The following SCUBE3 variants were observed in gnomAD, a reference collection of about 807,000 sequenced individuals.
SCUBE3 encodes signal peptide, CUB and EGF-like domain-containing protein 3.
A neutral mutation model predicts 116.8 loss-of-function variants in SCUBE3; 33 were observed. The observed-to-expected ratio is 0.28, with a 90% CI of 0.21 to 0.38. The LOEUF (loss-of-function observed/expected upper bound fraction) is 0.38, where lower values mean the gene tolerates loss of function less well. Among genes scored for constraint, SCUBE3 ranks in the 10% least tolerant of loss-of-function variants. The probability of loss-of-function intolerance (pLI) is 1.00; values close to 1 mark genes in which losing one functional copy is unlikely to be tolerated. For missense variants in SCUBE3, 1,007 were observed against 1,324.8 expected (o/e 0.76, Z 3.72); for synonymous variants, 418 against 496.9 (o/e 0.84, Z 2.11).
rs746019631 is a variant in SCUBE3 at position 35,232,988 on chromosome 6, G to A, written c.595+13G>A. On this transcript the variant is annotated intron_variant, in intron 5 of 21. Transcript: ENST00000274938. This position sits in a 1 kb window ranked among gnomAD's most constrained non-coding sequence, Gnocchi z 4.2. ...CGGGACTGTAAATGTGAGATAATTG[G>A]GATGGCAGGTGGGGCAGTGGGGTCG... is the stretch of plus-strand genomic sequence containing the variant. The A allele has an allele frequency of 2.3e-5, 37 of 1,613,558 alleles. No homozygotes were observed. The East Asian group carries it at 7.4e-4, about 32-fold the overall frequency.
Position 35,244,946 on chromosome 6 carries a change from C to T in SCUBE3, c.2401+135C>T. 1 of 865,954 alleles carries T rather than the reference C, an allele frequency of 1.2e-6. No individual in the cohort carries two copies. The highest frequency in any genetic ancestry group is 2.3e-5 in the Admixed American group (1 of 42,862). 53.6% of individuals were successfully genotyped at this position (865,954 alleles called of 1,614,324 possible). A position where few individuals can be genotyped will look rare whatever the true frequency, so the allele number is the denominator to read the frequency against. On this transcript the variant is annotated intron_variant, in intron 18 of 21. Coordinates refer to ENST00000274938, the MANE Select transcript of SCUBE3 (RefSeq NM_152753.4). The surrounding 1 kb of genome is among the most constrained non-coding windows in gnomAD (Gnocchi z 4.3). Reference sequence around the variant, plus strand: ...CAGGAAAACTCCACCTTCCACCTCTCCCCAACTCACTCAATCTCAAGGCCA... The same window carrying T: ...CAGGAAAACTCCACCTTCCACCTCTTCCCAACTCACTCAATCTCAAGGCCA...
chr6:35,242,786 A>C lies in SCUBE3; in HGVS notation c.1693+6A>C. ...CAGAGCCGAAGAAACCACAGGTGGGACTGGGGGCACTGTTGGGAAGAGGAC... is the reference window on the plus strand; with the variant it reads ...CAGAGCCGAAGAAACCACAGGTGGGCCTGGGGGCACTGTTGGGAAGAGGAC... On this transcript the variant is annotated splice_donor_region_variant and intron_variant, in intron 14 of 21. Transcript: ENST00000274938. 6.2e-7 allele frequency: 1 copy of C among 1,612,254 alleles called. No homozygotes were observed. Among genetic ancestry groups the C allele is most frequent in the African/African-American group, 1.3e-5 (1 of 75,014 alleles).
chr6:35,242,271 C>T lies in SCUBE3; in HGVS notation c.1485C>T (p.His495=). ...FKIKDAKCRL[H]LRNKGKTEEA... ...TCAAGGATGCCAAATGCCGTTTGCA[C>T]CTGCGAAACAAAGGCAAAACAGAGG... The change falls in exon 13 of 22, where the codon CAC becomes CAT. Residue 495 remains histidine (H), a synonymous_variant. Transcript: ENST00000274938. The T allele has an allele frequency of 6.8e-6, 11 of 1,614,118 alleles. No homozygotes were observed. The highest frequency in any genetic ancestry group is 5.5e-5 in the South Asian group (5 of 91,086).
rs1784035787 is a variant in SCUBE3 at position 35,241,347 on chromosome 6, C to G, written c.1195+81C>G. ...GGGTTCTGGAAAGCATAGAGTATCA[C>G]ATTGGGGAAAGGTGTGAGGTGGAAA... On this transcript the variant is annotated intron_variant, in intron 10 of 21. Coordinates refer to ENST00000274938, the MANE Select transcript of SCUBE3 (RefSeq NM_152753.4). This position sits in a 1 kb window ranked among gnomAD's most constrained non-coding sequence, Gnocchi z 4.1. 1.4e-6 allele frequency: 2 copies of G among 1,461,694 alleles called. No individual in the cohort carries two copies. The highest frequency in any genetic ancestry group is 3.7e-5 in the Admixed American group (2 of 54,498). The allele number at this position is 1,461,694 out of a possible 1,614,324, so 90.5% of individuals were successfully genotyped here. A position where few individuals can be genotyped will look rare whatever the true frequency, so the allele number is the denominator to read the frequency against.
At chr6:35,246,331 G>A in intron 21 of SCUBE3, 46 bp downstream of exon 21, 2 of 1,371,408 alleles carry the variant, frequency 1.5e-6, no homozygotes, top group Non-Finnish European at 2.1e-6. Flanking sequence ...TAATAAGCAT[G>A]TAACAATATA....
At chr6:35,223,371 C>T (rs970927860) in intron 1 of SCUBE3, 2 of 152,098 alleles carry the variant, frequency 1.3e-5, no homozygotes, top group Non-Finnish European at 2.9e-5. Context: ...AGAGGCTGGC[C>T]CAGGACCACA....
Position 35,240,618 on chromosome 6 carries a change from G to A in SCUBE3, c.1069+128G>A, listed in dbSNP as rs1436801181. The A allele has an allele frequency of 3.7e-6, 2 of 538,592 alleles. No homozygotes were observed. The highest frequency in any genetic ancestry group is 3.3e-6 in the Non-Finnish European group (1 of 300,570). The allele number at this position is 538,592 out of a possible 1,614,324, so 33.4% of individuals were successfully genotyped here. A position where few individuals can be genotyped will look rare whatever the true frequency, so the allele number is the denominator to read the frequency against. ...GGATGCATGCACCATGTCTGCATCC[G>A]CTGTGACAAAATAGGAGGAATTAAG... On this transcript the variant is annotated intron_variant, in intron 9 of 21. Transcript: ENST00000274938. The surrounding 1 kb of genome is among the most constrained non-coding windows in gnomAD (Gnocchi z 4.6).
In SCUBE3 at chr6:35,231,463, A is replaced by T. The variant is rs1381164777; in HGVS notation, c.335-262A>T. Among the ~76,000 whole-genome samples the T allele has an allele frequency of 6.6e-6, 1 of 152,178 alleles. No homozygotes were observed. The highest frequency in any genetic ancestry group is 2.1e-4 in the South Asian group (1 of 4,824). ...TACCCAGTTTACACAGGTGAGGGAA[A>T]GGGAGGCATGGCTTCACCTAGGTGA... On this transcript the variant is annotated intron_variant, in intron 3 of 21. Transcript: ENST00000274938. This position sits in a 1 kb window ranked among gnomAD's most constrained non-coding sequence, Gnocchi z 4.2.
chr6:35,243,344 C>A lies in SCUBE3; in HGVS notation c.1909+108C>A. On this transcript the variant is annotated intron_variant, in intron 15 of 21. Coordinates refer to ENST00000274938, the MANE Select transcript of SCUBE3 (RefSeq NM_152753.4). This position sits in a 1 kb window ranked among gnomAD's most constrained non-coding sequence, Gnocchi z 6.6. ...ATGCATTTCTCAAATTATGAGGCAG[C>A]CAGGATGCTCCTGCCCGCTGTCCTC... The A allele has an allele frequency of 1.0e-6, 1 of 996,066 alleles. No homozygotes were observed. The highest frequency in any genetic ancestry group is 1.5e-6 in the Non-Finnish European group (1 of 662,198). The allele number at this position is 996,066 out of a possible 1,614,324, so 61.7% of individuals were successfully genotyped here. A position where few individuals can be genotyped will look rare whatever the true frequency, so the allele number is the denominator to read the frequency against.
chr6:35,247,307 G>A (rs1024727409), intron 21 of SCUBE3, among the ~76,000 whole-genome samples: 4 of 150,212 alleles, frequency 2.7e-5, no homozygotes, highest in Admixed American at 1.3e-4. Context: ...GTGTGGTGGC[G>A]GGCGCCTGCA....
intron 6 of SCUBE3, among the ~76,000 whole-genome samples, chr6:35,234,210 C>T (rs997734494): frequency 6.6e-6 from 1 of 152,150 alleles, no homozygotes; most frequent in African/African-American, 2.4e-5. Context: ...GAGGCTGTGT[C>T]TTTAGCCAGG....
At chr6:35,227,492 G>C in intron 1 of SCUBE3, 88 bp from the exon 2 acceptor site, 1 of 1,413,304 alleles carries the variant, frequency 7.1e-7, no homozygotes, top group South Asian at 1.2e-5. Flanking sequence ...TTAGAGAAGA[G>C]GGGATTCTGC....
At position 35,246,294 on chromosome 6, in the gene SCUBE3, A is replaced by G. The variant is rs997337307; in HGVS notation, c.2832+9A>G. 3 of 1,575,168 alleles carry G rather than the reference A, an allele frequency of 1.9e-6. No homozygotes were observed. Among genetic ancestry groups the G allele is most frequent in the African/African-American group, 2.7e-5 (2 of 74,288 alleles). On this transcript the variant is annotated intron_variant, in intron 21 of 21. Coordinates refer to ENST00000274938, the MANE Select transcript of SCUBE3 (RefSeq NM_152753.4). ...ACCAGGAGATTTTAAAGGTGAATGA[A>G]TATTAACAATAATGATAGCTAACAT...
rs1370474466 is a variant in SCUBE3, at chr6:35,214,403, G to A, written c.-16G>A. ...CGAGACCGGCCCCGGCGGCTGGGCC[G>A]CCAGTAGCTCCAGCCATGGGCTCGG... On this transcript the variant is annotated 5_prime_UTR_variant, in exon 1 of 22. Coordinates refer to ENST00000274938, the MANE Select transcript of SCUBE3 (RefSeq NM_152753.4). The surrounding 1 kb of genome is among the most constrained non-coding windows in gnomAD (Gnocchi z 6.3). The A allele has an allele frequency of 2.8e-6, 4 of 1,423,278 alleles. No individual in the cohort carries two copies. Among genetic ancestry groups the A allele is most frequent in the Admixed American group, 2.6e-5 (1 of 38,086 alleles). The allele number at this position is 1,423,278 out of a possible 1,614,324, so 88.2% of individuals were successfully genotyped here.
At position 35,245,376 on chromosome 6, in the gene SCUBE3, C is replaced by T; in HGVS notation, c.2550C>T (p.Phe850=). ...RKILIVVPEI[F]LPSEDECGDV... The stretch of plus-strand genomic sequence containing the variant: ...TCCTTATCGTGGTACCAGAGATCTT[C>T]CTGCCATCTGAGGATGAGTGTGGGG... Residue 850 remains phenylalanine (F), a synonymous_variant, in exon 19 of 22, where the codon TTC becomes TTT. Transcript: ENST00000274938. This position sits in a 1 kb window ranked among gnomAD's most constrained non-coding sequence, Gnocchi z 4.2. The T allele has an allele frequency of 6.2e-7, 1 of 1,614,156 alleles. No individual in the cohort carries two copies. Among genetic ancestry groups the T allele is most frequent in the Non-Finnish European group, 8.5e-7 (1 of 1,180,042 alleles).
In SCUBE3 at chr6:35,244,585, A is replaced by G; in HGVS notation, c.2240-65A>G. On this transcript the variant is annotated intron_variant, in intron 17 of 21. Transcript: ENST00000274938. This position sits in a 1 kb window ranked among gnomAD's most constrained non-coding sequence, Gnocchi z 4.3. ...TCTCCAGGATGAATGTATCCTGTCC[A>G]TCCCATGCCCCGTAACTCCCACCTG... 3 of 1,325,258 alleles carry G rather than the reference A, an allele frequency of 2.3e-6. No individual in the cohort carries two copies. Among genetic ancestry groups the G allele is most frequent in the Non-Finnish European group, 3.2e-6 (3 of 924,290 alleles). The allele number at this position is 1,325,258 out of a possible 1,614,324, so 82.1% of individuals were successfully genotyped here. A position where few individuals can be genotyped will look rare whatever the true frequency, so the allele number is the denominator to read the frequency against.
In SCUBE3 at chr6:35,232,380, T is replaced by C. The variant is rs1424009172; in HGVS notation, c.470-470T>C. ...GTGTAGTGAGAGTTTAATAAATGTT[T>C]GTTGAATAAAATTGCATAGTAAATA... is the stretch of plus-strand genomic sequence containing the variant. On this transcript the variant is annotated intron_variant, in intron 4 of 21. Transcript: ENST00000274938. The surrounding 1 kb of genome is among the most constrained non-coding windows in gnomAD (Gnocchi z 4.2). Among the ~76,000 whole-genome samples the C allele has an allele frequency of 6.6e-6, 1 of 152,130 alleles. No homozygotes were observed. The highest frequency in any genetic ancestry group is 1.5e-5 in the Non-Finnish European group (1 of 68,002).
intron 1 of SCUBE3, among the ~76,000 whole-genome samples, chr6:35,226,708 G>A (rs1783342237): frequency 6.6e-6 from 1 of 151,998 alleles, no homozygotes; most frequent in Admixed American, 6.6e-5. Flanking sequence ...TCGAACTCCT[G>A]ACCTCATGAT....
chr6:35,246,438 G>A (rs1306023014), intron 21 of SCUBE3, among the ~76,000 whole-genome samples, 153 bp downstream of exon 21: 3 of 152,136 alleles, frequency 2.0e-5, no homozygotes, highest in Non-Finnish European at 4.4e-5. Flanking sequence ...TTACAGATGG[G>A]AAAACTGGGG....
Sources: gnomAD v4.1 joint callset for allele counts (sites outside exome capture counted in the v4.1 genomes callset) on GRCh38, gnomAD v4.1.1 for gene constraint, Gnocchi (gnomAD v3.1) non-coding constraint, MANE v1.5 for transcripts, NCBI Gene and HGNC (gene_info 2026-07-23, HGNC 2026-07-21) for gene names.